The following LYPLA1 variants were observed in gnomAD, a reference collection of about 807,000 sequenced individuals.
LYPLA1 encodes lysophospholipase 1, also known as acyl-protein thioesterase 1.
A neutral mutation model predicts 34.0 loss-of-function variants in LYPLA1; 17 were observed. The observed-to-expected ratio is 0.50, with a 90% CI of 0.34 to 0.75. LYPLA1 has a LOEUF of 0.75. LYPLA1 is among the 30% of genes least tolerant of loss of function. The pLI, the probability that LYPLA1 is intolerant of heterozygous loss-of-function variation, is 0.01. For missense variants in LYPLA1, 203 were observed against 288.8 expected, an observed-to-expected ratio of 0.70 and a Z score of 2.15; for synonymous variants, 98 against 100.8, an observed-to-expected ratio of 0.97 and a Z score of 0.17.
intron 5 of LYPLA1, among the ~76,000 whole-genome samples, chr8:54,056,774 A>C (rs890116126): frequency 6.6e-6 from 1 of 152,098 alleles, no homozygotes. Flanking sequence ...TTAGCTGGGC[A>C]TGGTGGTGCG....
rs1338590412 is a variant in LYPLA1 at position 54,084,151 on chromosome 8, T to C, written c.101+16757A>G. 4.6e-5 allele frequency among the ~76,000 whole-genome samples: 6 copies of C among 129,384 alleles called. 2 individuals carry two copies. Among genetic ancestry groups the C allele is most frequent in the African/African-American group, 2.2e-4 (6 of 27,196 alleles). The allele number at this position is 129,384 out of a possible 152,430, so 84.9% of individuals were successfully genotyped here. Reference sequence around the variant, plus strand: ...AAAAAAAAATAAATAAATATATATATATATATATATATAAAATAAAGACCT... The same window carrying C: ...AAAAAAAAATAAATAAATATATATACATATATATATATAAAATAAAGACCT... On this transcript the variant is annotated intron_variant, in intron 2 of 8. Transcript: ENST00000316963.
intron 2 of LYPLA1, among the ~76,000 whole-genome samples, chr8:54,085,807 T>TC (rs1808702708): frequency 1.5e-5 from 2 of 131,920 alleles, no homozygotes; most frequent in Non-Finnish European, 3.4e-5. Context: ...GTCCGCGAGG[T>TC]GGGGGGGGGG....
chr8:54,087,450 A>C (rs570891116), intron 2 of LYPLA1, among the ~76,000 whole-genome samples: 4 of 152,350 alleles, frequency 2.6e-5, no homozygotes, highest in African/African-American at 7.2e-5. Context: ...CACTGAGCCG[A>C]GATCACGCCA....
chr8:54,065,022 A>C (rs539334398), intron 3 of LYPLA1, among the ~76,000 whole-genome samples: 2 of 152,188 alleles, frequency 1.3e-5, no homozygotes, highest in Non-Finnish European at 2.9e-5. Context: ...GCCAGAATTC[A>C]AAACAATACC....
At chr8:54,098,153 G>C (rs967949945) in intron 2 of LYPLA1, among the ~76,000 whole-genome samples, 1 of 152,062 alleles carries the variant, frequency 6.6e-6, no homozygotes, top group Admixed American at 6.5e-5. Flanking sequence ...AACCTGGAGA[G>C]TGGAGGTTGC....
chr8:54,084,993 CCCTCCTCTT>C, intron 2 of LYPLA1, among the ~76,000 whole-genome samples: 1 of 144,648 alleles, frequency 6.9e-6, no homozygotes, highest in East Asian at 1.9e-4. Context: ...TCCCTCCTCT[CCCTCCTCTT>C]CCTCTCCCTC....
chr8:54,099,684 C>A (rs1398995042), intron 2 of LYPLA1, among the ~76,000 whole-genome samples: 1 of 152,008 alleles, frequency 6.6e-6, no homozygotes, highest in East Asian at 1.9e-4. Flanking sequence ...AAAAATCTAG[C>A]CTAATGGCAT....
intron 8 of LYPLA1, 127 bp from the exon 9 acceptor site, chr8:54,048,245 A>G: frequency 3.2e-6 from 2 of 621,368 alleles, no homozygotes; most frequent in Non-Finnish European, 5.8e-6. Flanking sequence ...CTACAATTAA[A>G]TAAGACAAAA....
At chr8:54,050,986 G>A (rs545535656) in intron 8 of LYPLA1, 26 bp downstream of exon 8, 24 of 1,552,354 alleles carry the variant, frequency 1.5e-5, no homozygotes, top group African/African-American at 6.8e-5. Context: ...CAAATATGGC[G>A]CTGATCACTG....
intron 5 of LYPLA1, among the ~76,000 whole-genome samples, chr8:54,056,612 A>G (rs1806222531): frequency 1.3e-5 from 2 of 152,074 alleles, no homozygotes; most frequent in African/African-American, 4.8e-5. Context: ...AAATCTAATA[A>G]TCTGATCAAA....
At chr8:54,100,198 A>C (rs1810013819) in intron 2 of LYPLA1, 1 of 152,184 alleles carries the variant, frequency 6.6e-6, no homozygotes, top group African/African-American at 2.4e-5. Flanking sequence ...AGTTAGTACA[A>C]AAGGCCAGGC....
At chr8:54,063,435 C>G in intron 3 of LYPLA1, 60 bp from the exon 4 acceptor site, 2 of 1,046,286 alleles carry the variant, frequency 1.9e-6, no homozygotes. Flanking sequence ...CTGATAAATT[C>G]CATTAATCAA....
intron 5 of LYPLA1, among the ~76,000 whole-genome samples, chr8:54,061,712 G>A (rs1257852540): frequency 6.6e-6 from 1 of 152,136 alleles, no homozygotes; most frequent in Non-Finnish European, 1.5e-5. Flanking sequence ...AGTTCAGGAG[G>A]TCAAGGCTGC....
intron 2 of LYPLA1, among the ~76,000 whole-genome samples, chr8:54,088,537 A>G (rs1808971744): frequency 6.6e-6 from 1 of 152,232 alleles, no homozygotes; most frequent in East Asian, 1.9e-4. Flanking sequence ...AAGTGCAGCT[A>G]CTATGAAAAC....
rs1382046760 is a variant in LYPLA1, at chr8:54,060,935, T to G, written c.286+1319A>C. Reference sequence around the variant, plus strand: ...GTCTCAAACTCCTGACCTCAGGTGATCTGCCTGCCTCGGCCTCTCAAAGTG... The same window carrying G: ...GTCTCAAACTCCTGACCTCAGGTGAGCTGCCTGCCTCGGCCTCTCAAAGTG... On this transcript the variant is annotated intron_variant, in intron 5 of 8. Coordinates refer to ENST00000316963, the MANE Select transcript of LYPLA1 (RefSeq NM_006330.4). 2.0e-5 allele frequency among the ~76,000 whole-genome samples: 3 copies of G among 152,080 alleles called. No homozygotes were observed. In the East Asian group the frequency reaches 5.8e-4, roughly 29 times the overall value.
intron 4 of LYPLA1, among the ~76,000 whole-genome samples, chr8:54,062,673 G>T (rs528346849): frequency 5.3e-5 from 8 of 151,962 alleles, no homozygotes; most frequent in African/African-American, 1.9e-4. Context: ...CACCACACCC[G>T]GCTAATTTTT....
chr8:54,044,637 C>T (rs989924940), downstream of LYPLA1, among the ~76,000 whole-genome samples: 2 of 151,776 alleles, frequency 1.3e-5, no homozygotes, highest in African/African-American at 4.8e-5. Flanking sequence ...ATGTGCACTG[C>T]CCTTAAAAGG....
rs137892947 is a variant in LYPLA1, at chr8:54,051,015, T to C, written c.636A>G (p.Gln212=). ...TYEGMMHSSC[Q]QEMMDVKQFI... is the part of the protein sequence containing the mutation. Reference sequence around the variant, plus strand: ...ATCACTGCTTCTAGACACCTACCTGTTGACACGAACTGTGCATCATACCTT... The same window carrying C: ...ATCACTGCTTCTAGACACCTACCTGCTGACACGAACTGTGCATCATACCTT... The change falls in exon 8 of 9, where the codon CAA becomes CAG. Residue 212 remains glutamine, a synonymous_variant. Transcript: ENST00000316963. 20 of 1,603,120 alleles carry C rather than the reference T, an allele frequency of 1.2e-5. No individual in the cohort carries two copies. The African/African-American group carries it at 2.5e-4, about 20-fold the overall frequency.
At chr8:54,048,331 C>T (rs1038624003) in intron 8 of LYPLA1, among the ~76,000 whole-genome samples, 5 of 152,160 alleles carry the variant, frequency 3.3e-5, no homozygotes, top group Non-Finnish European at 5.9e-5. Flanking sequence ...CAGCTCCCAT[C>T]CAGTATCTAG....
Sources: allele counts gnomAD v4.1 joint callset (sites outside exome capture counted in the v4.1 genomes callset), GRCh38; gene constraint gnomAD v4.1.1; transcripts MANE v1.5; gene names NCBI Gene and HGNC (gene_info 2026-07-23, HGNC 2026-07-21).